Variants in GABRB3 observed in about 807,000 individuals in gnomAD.
GABRB3 encodes the protein gamma-aminobutyric acid type A receptor subunit beta3, also known as gamma-aminobutyric acid receptor subunit beta-3.
Under a neutral mutation model 52.1 loss-of-function variants are expected in GABRB3, and 14 were observed. The ratio of observed to expected loss-of-function variants is 0.27; its 90% CI spans 0.18 to 0.42. The LOEUF (loss-of-function observed/expected upper bound fraction) is 0.42. Ranked by LOEUF, GABRB3 falls within the 10% of genes least tolerant of loss-of-function variation. The pLI is 1.00. For synonymous variants in GABRB3, 260 were observed against 232.3 expected (o/e 1.12, Z -1.08); for missense variants, 307 against 609.1 (o/e 0.50, Z 5.22).
intron 4 of GABRB3, among the ~76,000 whole-genome samples, chr15:26,603,512 C>T (rs1176655286): frequency 1.3e-5 from 2 of 151,856 alleles, no homozygotes; most frequent in Non-Finnish European, 2.9e-5. Flanking sequence ...AATATTGATG[C>T]AAAAATATTC....
chr15:26,554,473 G>A (rs201509806), intron 8 of GABRB3, among the ~76,000 whole-genome samples: 1 of 151,940 alleles, frequency 6.6e-6, no homozygotes, highest in African/African-American at 2.4e-5. Context: ...AGAAAGGGGA[G>A]TATTTTGCAA....
chr15:26,599,278 C>T (rs1045859180), intron 4 of GABRB3, among the ~76,000 whole-genome samples: 1 of 152,194 alleles, frequency 6.6e-6, no homozygotes, highest in Non-Finnish European at 1.5e-5. Flanking sequence ...GGGGCTAGAC[C>T]TTTCCATCAG....
intron 3 of GABRB3, among the ~76,000 whole-genome samples, chr15:26,635,245 A>C (rs566032608): frequency 5.4e-4 from 82 of 151,832 alleles, no homozygotes; most frequent in Non-Finnish European, 8.1e-4. Context: ...AAGGTACTTG[A>C]ACTGGGTGAA....
intron 6 of GABRB3, among the ~76,000 whole-genome samples, chr15:26,574,290 T>A (rs1010387289): frequency 6.6e-6 from 1 of 152,106 alleles, no homozygotes; most frequent in Non-Finnish European, 1.5e-5. Flanking sequence ...ATGGAGAAAT[T>A]GGAACCCTCC....
chr15:26,702,676 T>TA (rs1888974078), intron 3 of GABRB3, among the ~76,000 whole-genome samples: 1 of 152,166 alleles, frequency 6.6e-6, no homozygotes, highest in Admixed American at 6.5e-5. Context: ...AATGAACACT[T>TA]ACCATATGAT....
chr15:26,754,634 G>C (rs1255747099), intron 3 of GABRB3, among the ~76,000 whole-genome samples: 4 of 151,968 alleles, frequency 2.6e-5, no homozygotes, highest in African/African-American at 9.7e-5. Context: ...TAACTACATG[G>C]AAAACAGTCT....
chr15:26,641,508 C>T (rs1341018192), intron 3 of GABRB3, among the ~76,000 whole-genome samples: 1 of 152,254 alleles, frequency 6.6e-6, no homozygotes, highest in Admixed American at 6.5e-5. Context: ...CAGGAGCCAG[C>T]ATTCCTATGG....
intron 4 of GABRB3, among the ~76,000 whole-genome samples, chr15:26,599,743 C>G (rs1378355809): frequency 6.6e-6 from 1 of 152,098 alleles, no homozygotes; most frequent in Non-Finnish European, 1.5e-5. Context: ...ACAAACAAAA[C>G]AACAACAAAA....
At chr15:26,770,511 G>C (rs1445100240) in intron 3 of GABRB3, among the ~76,000 whole-genome samples, 1 of 152,152 alleles carries the variant, frequency 6.6e-6, no homozygotes, top group Non-Finnish European at 1.5e-5. Context: ...GTTTTTAAAC[G>C]TACCAACTAT....
At chr15:26,587,184 G>A (rs886982928) in intron 4 of GABRB3, among the ~76,000 whole-genome samples, 2 of 152,026 alleles carry the variant, frequency 1.3e-5, no homozygotes, top group African/African-American at 4.8e-5. Flanking sequence ...CCTCTTCACA[G>A]AACCCATAAA....
intron 4 of GABRB3, among the ~76,000 whole-genome samples, chr15:26,592,691 G>A (rs967621274): frequency 1.3e-5 from 2 of 152,136 alleles, no homozygotes; most frequent in Non-Finnish European, 2.9e-5. Context: ...TCCTTTAATG[G>A]CATGGAAAGC....
chr15:26,563,975 T>C (rs1429608383), intron 7 of GABRB3, among the ~76,000 whole-genome samples: 1 of 152,196 alleles, frequency 6.6e-6, no homozygotes, highest in Non-Finnish European at 1.5e-5. Flanking sequence ...CTCCTCATGA[T>C]AAAAATAATC....
chr15:26,544,155 A>C lies in GABRB3; in HGVS notation c.*3638T>G, dbSNP rs576933177. 3 of 152,544 alleles carry C rather than the reference A, an allele frequency of 2.0e-5. No individual in the cohort carries two copies. The highest frequency in any genetic ancestry group is 4.4e-5 in the Non-Finnish European group (3 of 68,034). 9.4% of individuals were successfully genotyped at this position (152,544 alleles called of 1,614,324 possible). A position where few individuals can be genotyped will look rare whatever the true frequency, so the allele number is the denominator to read the frequency against. ...GAAATATGAACTGGTTTTCAGGTGG[A>C]GAGTTAAAATAAGAATTAAGTGATG... On this transcript the variant is annotated 3_prime_UTR_variant, in exon 9 of 9. Transcript: ENST00000311550.
chr15:26,686,456 GATAA>G (rs1888409119), intron 3 of GABRB3, among the ~76,000 whole-genome samples: 2 of 152,190 alleles, frequency 1.3e-5, no homozygotes, highest in African/African-American at 4.8e-5. Context: ...AAGTGATACT[GATAA>G]ATAACAGTAT....
chr15:26,629,897 C>G (rs1048919920), intron 3 of GABRB3, among the ~76,000 whole-genome samples: 13 of 152,236 alleles, frequency 8.5e-5, no homozygotes, highest in African/African-American at 2.9e-4. Context: ...CTCCATAGCC[C>G]TGGGCACCCT....
chr15:26,567,789 GT>G (rs1890234004), intron 6 of GABRB3, 56 bp from the exon 7 acceptor site: 2 of 1,576,636 alleles, frequency 1.3e-6, no homozygotes, highest in African/African-American at 2.7e-5. Context: ...AGACTAAAGA[GT>G]TTGCTTTGAC....
chr15:26,689,207 G>A (rs1420035752), intron 3 of GABRB3, among the ~76,000 whole-genome samples: 1 of 152,152 alleles, frequency 6.6e-6, no homozygotes, highest in Non-Finnish European at 1.5e-5. Context: ...GACCTCCATC[G>A]CAGACTTGCC....
intron 3 of GABRB3, among the ~76,000 whole-genome samples, chr15:26,712,219 G>T (rs1412951306): frequency 3.3e-5 from 5 of 149,620 alleles, no homozygotes; most frequent in South Asian, 2.1e-4. Context: ...TCATTATGTT[G>T]CCCAGGCTGG....
In GABRB3 at chr15:26,653,036, C is replaced by T. The variant is rs72704030; in HGVS notation, c.241-31502G>A. 3.6e-3 allele frequency among the ~76,000 whole-genome samples: 545 copies of T among 152,224 alleles called. 3 individuals carry two copies. Among genetic ancestry groups the T allele is most frequent in the Middle Eastern group, 0.01 (3 of 294 alleles). ...GACAGTGAAAGAGTTCTGACCTCAC[C>T]GACTCCATCTTGCTTCCAACCTCCA... On this transcript the variant is annotated intron_variant, in intron 3 of 8. Transcript: ENST00000311550.
Sources: gnomAD v4.1 joint callset for allele counts (sites outside exome capture counted in the v4.1 genomes callset) on GRCh38, gnomAD v4.1.1 for gene constraint, MANE v1.5 for transcripts, NCBI Gene and HGNC (gene_info 2026-07-23, HGNC 2026-07-21) for gene names.